Variants in ADH1B observed in about 807,000 individuals in gnomAD.
ADH1B encodes the protein all-trans-retinol dehydrogenase [NAD(+)] ADH1B.
ADH1B carries 29 observed loss-of-function variants against 34.6 expected under a neutral mutation model. The ratio of observed to expected loss-of-function variants is 0.84; its 90% CI spans 0.62 to 1.14. The LOEUF (loss-of-function observed/expected upper bound fraction) is 1.14. Ranked by LOEUF, ADH1B falls within the 50% of genes most tolerant of loss-of-function variation. ADH1B has a pLI of 0.00. For missense variants in ADH1B, 424 were observed against 468.4 expected, an observed-to-expected ratio of 0.91 and a Z score of 0.87; for synonymous variants, 170 against 175.5, an observed-to-expected ratio of 0.97 and a Z score of 0.25.
rs201104860 is a variant in ADH1B at position 99,315,907 on chromosome 4, G to C, written c.558C>G (p.Asn186Lys). Reference protein sequence around the residue: ...GFSTGYGSAVNVAKVTPGSTC... With the variant: ...GFSTGYGSAVKVAKVTPGSTC... ...CCATTGTCATTCTCACCTTGGCAACGTTAACTGCAGACCCATAACCAGTCG... is the reference window on the plus strand; with the variant it reads ...CCATTGTCATTCTCACCTTGGCAACCTTAACTGCAGACCCATAACCAGTCG... The change falls in exon 5 of 9, where the codon AAC (asparagine) becomes AAG (lysine). Residue 186 changes from asparagine to lysine, a missense_variant. Around this residue, in one of 3 missense-constraint regions of ADH1B, gnomAD observed 291 missense variants for 300.4 expected, o/e 0.97. Transcript: ENST00000305046. 1 of 1,614,168 alleles carries C rather than the reference G, an allele frequency of 6.2e-7. No homozygotes were observed. The highest frequency in any genetic ancestry group is 1.3e-5 in the African/African-American group (1 of 75,046).
chr4:99,308,010 A>G, intron 8 of ADH1B, 146 bp from the exon 9 acceptor site: 1 of 1,033,776 alleles, frequency 9.7e-7, no homozygotes, highest in Non-Finnish European at 1.4e-6. Flanking sequence ...ATTTGGTTCA[A>G]GAAAAAGGAA....
intron 3 of ADH1B, 196 bp downstream of exon 3, chr4:99,317,850 G>T (rs1163568579): frequency 2.5e-6 from 2 of 798,794 alleles, no homozygotes; most frequent in Non-Finnish European, 3.9e-6. Context: ...ATGGTTGAAG[G>T]GTACAATACA....
At chr4:99,313,448 A>T in intron 6 of ADH1B, 1 of 212,390 alleles carries the variant, frequency 4.7e-6, no homozygotes, top group African/African-American at 2.3e-5. Context: ...AAAATTGTTA[A>T]ACCATTTTTG....
chr4:99,315,663 C>A, intron 5 of ADH1B: 1 of 591,534 alleles, frequency 1.7e-6, no homozygotes, highest in Non-Finnish European at 2.9e-6. Context: ...CCATAAACAG[C>A]AAATTCAGAA....
chr4:99,320,882 T>G, intron 1 of ADH1B: 1 of 1,267,616 alleles, frequency 7.9e-7, no homozygotes, highest in Non-Finnish European at 1.0e-6. Context: ...CTGAGTCAAA[T>G]TCCTCTCATC....
At position 99,316,136 on chromosome 4, in the gene ADH1B, A is replaced by AGACAC; in HGVS notation, c.348-24_348-20dup. ...GCCTAGACTGGGCAGTGCAATACAC[A>AGACAC]GACACACAAAGGCATGAGACAGGAG... is the stretch of plus-strand genomic sequence containing the variant. On this transcript the variant is annotated intron_variant, in intron 4 of 8. Coordinates refer to ENST00000305046, the MANE Select transcript of ADH1B (RefSeq NM_000668.6). The AGACAC allele has an allele frequency of 6.2e-7, 1 of 1,614,196 alleles. No homozygotes were observed. The highest frequency in any genetic ancestry group is 8.5e-7 in the Non-Finnish European group (1 of 1,180,010).
chr4:99,312,678 A>G (rs1162352937), intron 6 of ADH1B, among the ~76,000 whole-genome samples: 1 of 152,218 alleles, frequency 6.6e-6, no homozygotes, highest in Non-Finnish European at 1.5e-5. Flanking sequence ...GATTGGAAAT[A>G]GTATTTCATA....
intron 7 of ADH1B, 24 bp from the exon 8 acceptor site, chr4:99,310,927 T>C (rs753261455): frequency 1.2e-6 from 2 of 1,608,268 alleles, no homozygotes; most frequent in East Asian, 4.5e-5. Context: ...AGTATCATTG[T>C]TGGATTCAGC....
In ADH1B at chr4:99,305,668, A is replaced by G. The variant is rs1733596135; in HGVS notation, c.*2172T>C. On this transcript the variant is annotated 3_prime_UTR_variant, in exon 9 of 9. Transcript: ENST00000305046. The stretch of plus-strand genomic sequence containing the variant: ...AGTAAATTTTCTTTTTTCATAGTGC[A>G]TGATGCAGAAGGCTCCCACATGCCA... 1 of 145,586 alleles carries G rather than the reference A, an allele frequency of 6.9e-6. No homozygotes were observed. Among genetic ancestry groups the G allele is most frequent in the Non-Finnish European group, 1.5e-5 (1 of 66,836 alleles). 9.0% of individuals were successfully genotyped at this position (145,586 alleles called of 1,614,324 possible).
chr4:99,316,065 T>G lies in ADH1B; in HGVS notation c.400A>C (p.Arg134=), dbSNP rs570854431. 3.7e-6 allele frequency: 6 copies of G among 1,614,180 alleles called. No homozygotes were observed. Among genetic ancestry groups the G allele is most frequent in the Non-Finnish European group, 5.1e-6 (6 of 1,180,012 alleles). Residue 134 remains arginine (R), a synonymous_variant, in exon 5 of 9, where the codon AGG becomes CGG. Coordinates refer to ENST00000305046, the MANE Select transcript of ADH1B (RefSeq NM_000668.6). The part of the protein sequence containing the change: ...LQDGTRRFTC[R]GKPIHHFLGT... ...AGGAAGTGGTGAATGGGCTTCCCCC[T>G]GCAGGTGAACCTCCTGGTGCCATCC...
At chr4:99,318,655 A>G (rs1733947336) in intron 2 of ADH1B, 130 bp downstream of exon 2, 3 of 902,552 alleles carry the variant, frequency 3.3e-6, no homozygotes, top group Middle Eastern at 3.5e-4. Context: ...TTCCTTGACA[A>G]CAAATGTAAT....
At chr4:99,310,392 G>A (rs1359551374) in intron 8 of ADH1B, 1 of 432,344 alleles carries the variant, frequency 2.3e-6, no homozygotes, top group Non-Finnish European at 4.5e-6. Context: ...CTTAGTGTCA[G>A]CTTTATATAG....
chr4:99,305,514 A>C lies in ADH1B; in HGVS notation c.*2326T>G, dbSNP rs1481282533. On this transcript the variant is annotated 3_prime_UTR_variant, in exon 9 of 9. Coordinates refer to ENST00000305046, the MANE Select transcript of ADH1B (RefSeq NM_000668.6). ...TACACTGGAATACATATATATATAT[A>C]TATATATATACAATCACTTAACTAT... is the stretch of plus-strand genomic sequence containing the variant. 1 of 125,178 alleles carries C rather than the reference A, an allele frequency of 8.0e-6. No individual in the cohort carries two copies. Among genetic ancestry groups the C allele is most frequent in the Non-Finnish European group, 1.6e-5 (1 of 60,848 alleles). The allele number at this position is 125,178 out of a possible 1,614,324, so 7.8% of individuals were successfully genotyped here. A position where few individuals can be genotyped will look rare whatever the true frequency, so the allele number is the denominator to read the frequency against.
rs182578606 is a variant in ADH1B at position 99,311,454 on chromosome 4, A to C, written c.964+67T>G. On this transcript the variant is annotated intron_variant, in intron 7 of 8. Transcript: ENST00000305046. ...ATTGTAAAAGGGCATATATATTGAG[A>C]TTATATTGAGATTAATGAGATATAT... 22 of 1,537,316 alleles carry C rather than the reference A, an allele frequency of 1.4e-5. No individual in the cohort carries two copies. In the Admixed American group the frequency reaches 4.2e-4, roughly 29 times the overall value.
intron 6 of ADH1B, 150 bp from the exon 7 acceptor site, chr4:99,311,806 C>CG: frequency 8.2e-7 from 1 of 1,226,510 alleles, no homozygotes; most frequent in East Asian, 2.4e-5. Context: ...CTTTTTTGCA[C>CG]GGGATAGTGC....
At chr4:99,319,184 G>A in intron 1 of ADH1B, 1 of 440,022 alleles carries the variant, frequency 2.3e-6, no homozygotes, top group Non-Finnish European at 4.2e-6. Flanking sequence ...ATTTCCTAAT[G>A]CCGTCCTGAA....
chr4:99,307,592 A>G lies in ADH1B; in HGVS notation c.*248T>C, dbSNP rs1004553830. The G allele has an allele frequency of 2.4e-5, 13 of 543,526 alleles. No individual in the cohort carries two copies. Among genetic ancestry groups the G allele is most frequent in the Non-Finnish European group, 4.3e-5 (13 of 305,642 alleles). 33.7% of individuals were successfully genotyped at this position (543,526 alleles called of 1,614,324 possible). A position where few individuals can be genotyped will look rare whatever the true frequency, so the allele number is the denominator to read the frequency against. On this transcript the variant is annotated 3_prime_UTR_variant, in exon 9 of 9. Coordinates refer to ENST00000305046, the MANE Select transcript of ADH1B (RefSeq NM_000668.6). Reference sequence around the variant, plus strand: ...GCAAAGGTGACACAGTAGAATGGTTAAGAAGGAAGGTTTGTTGGCTTCAAT... The same window carrying G: ...GCAAAGGTGACACAGTAGAATGGTTGAGAAGGAAGGTTTGTTGGCTTCAAT...
intron 8 of ADH1B, among the ~76,000 whole-genome samples, chr4:99,309,512 C>G (rs1733695441): frequency 6.6e-6 from 1 of 151,964 alleles, no homozygotes; most frequent in Non-Finnish European, 1.5e-5. Context: ...CAACACTGTC[C>G]TCTGGTTTTG....
rs549694265 is a variant in ADH1B at position 99,311,970 on chromosome 4, G to A, written c.829-314C>T. ...GAACAAGATAAACAATTATATCACC[G>A]AAATTTGTCTCCTGTCCACTTGACG... is the stretch of plus-strand genomic sequence containing the variant. On this transcript the variant is annotated intron_variant, in intron 6 of 8. Coordinates refer to ENST00000305046, the MANE Select transcript of ADH1B (RefSeq NM_000668.6). Among the ~76,000 whole-genome samples the A allele has an allele frequency of 7.9e-5, 12 of 152,278 alleles. No homozygotes were observed. The South Asian group carries it at 1.0e-3, about 13-fold the overall frequency.
Sources: allele counts gnomAD v4.1 joint callset (sites outside exome capture counted in the v4.1 genomes callset), GRCh38; gene constraint gnomAD v4.1.1; regional missense constraint gnomAD v4.1.1; transcripts MANE v1.5; gene names NCBI Gene and HGNC (gene_info 2026-07-23, HGNC 2026-07-21).